The following CPED1 variants were observed in gnomAD, a reference collection of about 807,000 sequenced individuals.
CPED1 encodes the protein cadherin-like and PC-esterase domain-containing protein 1.
Under a neutral mutation model 128.2 loss-of-function variants are expected in CPED1, and 114 were observed. That is an observed-to-expected ratio of 0.89 (90% CI 0.76 to 1.04). The LOEUF (loss-of-function observed/expected upper bound fraction) is 1.04, where lower values mean the gene tolerates loss of function less well. Among genes scored for constraint, CPED1 ranks in the 50% least tolerant of loss-of-function variants. CPED1 has a pLI of 0.00. For synonymous variants in CPED1, 462 were observed against 426.7 expected (o/e 1.08, Z -1.02); for missense variants, 1,211 against 1,207.1 (o/e 1.00, Z -0.05).
intron 5 of CPED1, among the ~76,000 whole-genome samples, chr7:121,092,119 C>G (rs1349480463): frequency 6.6e-6 from 1 of 152,184 alleles, no homozygotes; most frequent in Admixed American, 6.6e-5. Context: ...TATTAGGCCT[C>G]TTGGTCTTAG....
At chr7:120,997,967 TAAAATAAAATAA>T (rs1796438793) in intron 2 of CPED1, among the ~76,000 whole-genome samples, 2 of 143,300 alleles carry the variant, frequency 1.4e-5, no homozygotes, top group South Asian at 4.3e-4. Context: ...TAAAATAAAA[TAAAATAAAATAA>T]AAAATAAAAA....
At chr7:121,277,317 C>T (rs1427682218) in intron 22 of CPED1, among the ~76,000 whole-genome samples, 1 of 151,948 alleles carries the variant, frequency 6.6e-6, no homozygotes, top group African/African-American at 2.4e-5. Context: ...TGTAGGACAT[C>T]CAGGTGGAGA....
chr7:121,019,511 T>C (rs1028595616), intron 3 of CPED1, among the ~76,000 whole-genome samples: 1 of 152,056 alleles, frequency 6.6e-6, no homozygotes, highest in Non-Finnish European at 1.5e-5. Context: ...GAAGCACTGT[T>C]CTGAGGGACA....
At chr7:121,159,582 C>T (rs1256874004) in intron 16 of CPED1, among the ~76,000 whole-genome samples, 1 of 152,090 alleles carries the variant, frequency 6.6e-6, no homozygotes, top group Non-Finnish European at 1.5e-5. Context: ...CTTATTGTTA[C>T]CAAAAGAGGC....
intron 4 of CPED1, 63 bp downstream of exon 4, chr7:121,047,056 C>T (rs1044584302): frequency 2.9e-6 from 3 of 1,019,880 alleles, no homozygotes; most frequent in Non-Finnish European, 4.6e-6. Flanking sequence ...CTGGCATTTC[C>T]TGGTCTATAA....
At chr7:121,074,360 C>T (rs1337687802) in intron 5 of CPED1, among the ~76,000 whole-genome samples, 2 of 152,036 alleles carry the variant, frequency 1.3e-5, no homozygotes, top group African/African-American at 4.8e-5. Context: ...TTTATCTTTG[C>T]CCATCAAGGC....
rs34569288 is a variant in CPED1, at chr7:121,054,667, G to GTTT, written c.540+7684_540+7686dup. Among the ~76,000 whole-genome samples, 308 of 147,478 alleles carry GTTT rather than the reference G, an allele frequency of 2.1e-3. 1 individual carries two copies. Among genetic ancestry groups the GTTT allele is most frequent in the East Asian group, 9.3e-3 (47 of 5,042 alleles). ...ACCCCCACTGCAAATCAGGGTTGAG[G>GTTT]TTTTTTTTTTTTAATTTGCATGTAG... On this transcript the variant is annotated intron_variant, in intron 4 of 22. Transcript: ENST00000310396.
At chr7:121,235,455 A>G (rs1006234368) in intron 16 of CPED1, among the ~76,000 whole-genome samples, 7 of 152,072 alleles carry the variant, frequency 4.6e-5, no homozygotes, top group Non-Finnish European at 7.4e-5. Context: ...ACCTTTTTGT[A>G]TGAGATCTGG....
intron 16 of CPED1, among the ~76,000 whole-genome samples, chr7:121,234,702 A>C (rs1055029887): frequency 1.8e-4 from 22 of 118,982 alleles, no homozygotes; most frequent in African/African-American, 4.6e-4. Context: ...AACACATTCT[A>C]CAGTCCAGGA....
chr7:121,262,786 G>A (rs1459861685), intron 18 of CPED1, among the ~76,000 whole-genome samples: 1 of 151,502 alleles, frequency 6.6e-6, no homozygotes, highest in East Asian at 1.9e-4. Context: ...GGTTGAATAG[G>A]AATCATATAA....
At chr7:121,073,872 A>G (rs956625316) in intron 5 of CPED1, among the ~76,000 whole-genome samples, 1 of 142,984 alleles carries the variant, frequency 7.0e-6, no homozygotes, top group Non-Finnish European at 1.5e-5. Context: ...TGGCTCTCTC[A>G]TTAATCATGT....
At chr7:121,040,032 T>G (rs1793009459) in intron 3 of CPED1, among the ~76,000 whole-genome samples, 1 of 152,104 alleles carries the variant, frequency 6.6e-6, no homozygotes, top group African/African-American at 2.4e-5. Context: ...CAGGAAAGCC[T>G]GATCCCTAGT....
chr7:121,051,026 C>A (rs1176862348), intron 4 of CPED1: 5 of 540,448 alleles, frequency 9.3e-6, no homozygotes, highest in African/African-American at 1.9e-5. Context: ...AAGGCAGCAG[C>A]GAAGGATAAA....
At position 121,267,295 on chromosome 7, in the gene CPED1, T is replaced by C; in HGVS notation, c.2714T>C (p.Leu905Ser). The C allele has an allele frequency of 1.3e-6, 2 of 1,570,336 alleles. No individual in the cohort carries two copies. The highest frequency in any genetic ancestry group is 1.7e-6 in the Non-Finnish European group (2 of 1,149,018). ...CTGCCAGTGGATGGAGTACATTTCT[T>C]AACACAGGTAAGCACATTTCCTCTG... ...FHLPVDGVHF[L>S]TQSEVQNLWK... Residue 905 changes from leucine to serine, a missense_variant, in exon 21 of 23, where the codon TTA becomes TCA. Leu to Ser is a moderately radical substitution (Grantham distance 145). Coordinates refer to ENST00000310396, the MANE Select transcript of CPED1 (RefSeq NM_024913.5).
chr7:120,998,430 A>G (rs1796446829), intron 2 of CPED1, among the ~76,000 whole-genome samples: 1 of 152,180 alleles, frequency 6.6e-6, no homozygotes, highest in Non-Finnish European at 1.5e-5. Context: ...CCAGGCTAAC[A>G]TGATCCTTAA....
chr7:121,209,427 A>G (rs574438641), intron 16 of CPED1, among the ~76,000 whole-genome samples: 60 of 152,168 alleles, frequency 3.9e-4, no homozygotes, highest in Middle Eastern at 3.4e-3. Context: ...CTTGCTTCAC[A>G]TATTTTTATA....
chr7:121,207,052 A>AT (rs1397357825), intron 16 of CPED1, among the ~76,000 whole-genome samples: 1 of 151,914 alleles, frequency 6.6e-6, no homozygotes, highest in East Asian at 1.9e-4. Flanking sequence ...TATTTTGCAC[A>AT]TTTTTTCAGG....
In CPED1 at chr7:121,025,553, C is replaced by T. The variant is rs148782550; in HGVS notation, c.433+9705C>T. Among the ~76,000 whole-genome samples, 9 of 152,222 alleles carry T rather than the reference C, an allele frequency of 5.9e-5. No individual in the cohort carries two copies. In the East Asian group the frequency reaches 1.4e-3, roughly 23 times the overall value. On this transcript the variant is annotated intron_variant, in intron 3 of 22. Coordinates refer to ENST00000310396, the MANE Select transcript of CPED1 (RefSeq NM_024913.5). ...AGTGTTTCCCAAACTCGATGAAATG[C>T]ATGAGCCGTAGTGGAATAAACACCT...
chr7:121,233,144 G>T (rs777780625), intron 16 of CPED1, among the ~76,000 whole-genome samples: 3 of 152,034 alleles, frequency 2.0e-5, no homozygotes, highest in Non-Finnish European at 4.4e-5. Flanking sequence ...TTTGAATTGT[G>T]TACTAAGCAT....
Sources: gnomAD v4.1 joint callset for allele counts (sites outside exome capture counted in the v4.1 genomes callset) on GRCh38, gnomAD v4.1.1 for gene constraint, MANE v1.5 for transcripts, NCBI Gene and HGNC (gene_info 2026-07-23, HGNC 2026-07-21) for gene names.